The following TPM4 variants were observed in gnomAD, a reference collection of about 807,000 sequenced individuals.
TPM4 encodes the protein tropomyosin alpha-4 chain.
Under a neutral mutation model 35.8 loss-of-function variants are expected in TPM4, and 17 were observed. The ratio of observed to expected loss-of-function variants is 0.47; its 90% confidence interval spans 0.32 to 0.71. The LOEUF (loss-of-function observed/expected upper bound fraction) is 0.71, where lower values mean the gene tolerates loss of function less well. Ranked by LOEUF, TPM4 falls within the 30% of genes least tolerant of loss-of-function variation. The pLI is 0.03. For synonymous variants in TPM4, 120 were observed against 122.9 expected (o/e 0.98, Z 0.15); for missense variants, 240 against 320.9 (o/e 0.75, Z 1.93).
chr19:16,071,074 C>A (rs1354004734), intron 2 of TPM4, among the ~76,000 whole-genome samples: 1 of 152,226 alleles, frequency 6.6e-6, no homozygotes, highest in Non-Finnish European at 1.5e-5. Context: ...GGAGGTTATG[C>A]CTTTTTTGTC....
chr19:16,089,004 T>A, intron 4 of TPM4, 41 bp from the exon 5 acceptor site: 1 of 1,613,170 alleles, frequency 6.2e-7, no homozygotes, highest in Non-Finnish European at 8.5e-7. Context: ...TTGCCGGCTG[T>A]AAGGGAAGAT....
At chr19:16,098,314 G>A (rs1306338630) in intron 7 of TPM4, among the ~76,000 whole-genome samples, 1 of 152,032 alleles carries the variant, frequency 6.6e-6, no homozygotes, top group Non-Finnish European at 1.5e-5. Context: ...ATGGTCATGG[G>A]GGCCTGTAAT....
intron 2 of TPM4, among the ~76,000 whole-genome samples, chr19:16,069,341 G>T (rs113236181): frequency 0.039 from 5,948 of 151,970 alleles, 245 homozygotes; most frequent in African/African-American, 0.14. Context: ...GTGTATGGTT[G>T]TGTGTTTCTA....
chr19:16,099,623 A>G (rs1195149678), intron 7 of TPM4: 1 of 151,688 alleles, frequency 6.6e-6, no homozygotes, highest in African/African-American at 2.4e-5. Context: ...TTCTGCAGTC[A>G]TTTTTTTCTT....
intron 7 of TPM4, 41 bp from the exon 8 acceptor site, chr19:16,101,223 C>T (rs1226380376): frequency 7.0e-7 from 1 of 1,423,754 alleles, no homozygotes; most frequent in Non-Finnish European, 9.6e-7. Context: ...AACAAAGACG[C>T]TTATTAATTT....
chr19:16,086,512 C>T lies in TPM4; in HGVS notation c.356C>T (p.Ala119Val), dbSNP rs1212217111. 3.1e-6 allele frequency: 5 copies of T among 1,613,452 alleles called. No individual in the cohort carries two copies. The highest frequency in any genetic ancestry group is 1.3e-5 in the African/African-American group (1 of 74,850). Residue 119 changes from alanine (A) to valine (V), a missense_variant, in exon 3 of 8, where the codon GCG (alanine) becomes GTG (valine). Physicochemically the swap from Ala to Val is moderately conservative, Grantham distance 64 (BLOSUM62 0). Coordinates refer to ENST00000643579, the MANE Select transcript of TPM4 (RefSeq NM_003290.3). ...EMQLKEAKHI[A>V]EEADRKYEEV... ...CAGCTCAAAGAGGCCAAGCACATTG[C>T]GGAAGAGGCTGACCGCAAATACGAG...
chr19:16,083,348 G>T (rs556883607), intron 2 of TPM4, among the ~76,000 whole-genome samples: 18 of 152,184 alleles, frequency 1.2e-4, no homozygotes, highest in African/African-American at 4.1e-4. Context: ...GGAGGCTAAG[G>T]CAAGATCCCC....
chr19:16,068,360 G>A (rs2090319367), intron 2 of TPM4, among the ~76,000 whole-genome samples: 1 of 152,172 alleles, frequency 6.6e-6, no homozygotes, highest in African/African-American at 2.4e-5. Flanking sequence ...ATTTTTAGTA[G>A]AGACCGGATT....
At chr19:16,087,375 A>G (rs948386563) in intron 3 of TPM4, among the ~76,000 whole-genome samples, 4 of 152,032 alleles carry the variant, frequency 2.6e-5, no homozygotes, top group Non-Finnish European at 5.9e-5. Context: ...TCAGGAGTTC[A>G]TGACCAGCCT....
upstream of TPM4, chr19:16,075,192 T>C (rs184324949): frequency 6.6e-6 from 1 of 152,296 alleles, no homozygotes; most frequent in East Asian, 1.9e-4. Flanking sequence ...AAAAGTCTTC[T>C]TGAGCCAACT....
chr19:16,101,180 A>G, intron 7 of TPM4, 84 bp from the exon 8 acceptor site: 2 of 1,201,268 alleles, frequency 1.7e-6, no homozygotes, highest in Non-Finnish European at 2.3e-6. Flanking sequence ...CAAGAAGAAG[A>G]AAAAAAAACA....
At position 16,102,892 on chromosome 19, in the gene TPM4, T is replaced by A. The variant is rs964694843; in HGVS notation, c.*1546T>A. The stretch of plus-strand genomic sequence containing the variant: ...GCACCACACTACCCAGGAAATACAC[T>A]AGCAAATTGTGCAATGGAATAAAAT... On this transcript the variant is annotated 3_prime_UTR_variant, in exon 8 of 8. Transcript: ENST00000643579. The A allele has an allele frequency of 4.1e-5, 6 of 145,988 alleles. No homozygotes were observed. Among genetic ancestry groups the A allele is most frequent in the Admixed American group, 3.0e-4 (4 of 13,362 alleles). The allele number at this position is 145,988 out of a possible 1,614,324, so 9.0% of individuals were successfully genotyped here.
In TPM4 at chr19:16,101,284, G is replaced by C. The variant is rs148293920; in HGVS notation, c.685G>C (p.Glu229Gln). 16 of 1,607,922 alleles carry C rather than the reference G, an allele frequency of 1.0e-5. No homozygotes were observed. Among genetic ancestry groups the C allele is most frequent in the Non-Finnish European group, 1.4e-5 (16 of 1,177,344 alleles). The stretch of plus-strand genomic sequence containing the variant: ...ACCAGAGAAACTTGCCCAGGCCAAA[G>C]AAGAGAACGTGGGCTTACATCAGAC... ...DLEEKLAQAK[E>Q]ENVGLHQTLD... Residue 229 changes from glutamate to glutamine, a missense_variant, in exon 8 of 8, where the codon GAA (glutamate) becomes CAA (glutamine). Glu to Gln is a conservative substitution (Grantham distance 29, BLOSUM62 2). Transcript: ENST00000643579.
intron 1 of TPM4, among the ~76,000 whole-genome samples, chr19:16,078,697 G>T (rs1457782408): frequency 6.6e-6 from 1 of 152,190 alleles, no homozygotes; most frequent in Admixed American, 6.6e-5. Flanking sequence ...AGTTGGGAGA[G>T]AAGATGTTTT....
Position 16,081,023 on chromosome 19 carries a change from G to C in TPM4, c.133-890G>C, listed in dbSNP as rs2090476055. On this transcript the variant is annotated intron_variant, in intron 1 of 7. Transcript: ENST00000643579. ...TTTTTGTCCTGCCATCTCTCAGCCA[G>C]GCGGATTGAAGGATGGAATTCCAAC... is the stretch of plus-strand genomic sequence containing the variant. 3 of 398,570 alleles carry C rather than the reference G, an allele frequency of 7.5e-6. No individual in the cohort carries two copies. In the East Asian group the frequency reaches 1.1e-4, roughly 14 times the overall value. 24.7% of individuals were successfully genotyped at this position (398,570 alleles called of 1,614,324 possible). A position where few individuals can be genotyped will look rare whatever the true frequency, so the allele number is the denominator to read the frequency against.
chr19:16,069,211 TG>T (rs1317686179), intron 2 of TPM4, among the ~76,000 whole-genome samples: 1 of 152,058 alleles, frequency 6.6e-6, no homozygotes, highest in Non-Finnish European at 1.5e-5. Flanking sequence ...GTGCTTCTGT[TG>T]GGGTGTGTGT....
At chr19:16,087,598 A>G (rs1044428155) in intron 3 of TPM4, among the ~76,000 whole-genome samples, 4 of 151,900 alleles carry the variant, frequency 2.6e-5, no homozygotes, top group Admixed American at 2.0e-4. Context: ...AAAATAAAAA[A>G]GAGGCCAGGT....
intron 2 of TPM4, among the ~76,000 whole-genome samples, chr19:16,069,818 G>T (rs1299307758): frequency 6.6e-6 from 1 of 151,966 alleles, no homozygotes; most frequent in Non-Finnish European, 1.5e-5. Flanking sequence ...TTCTGTCGGG[G>T]TGAGTGTGTG....
Position 16,076,538 on chromosome 19 carries a change from T to C in TPM4, c.-28T>C, listed in dbSNP as rs1344315341. On this transcript the variant is annotated 5_prime_UTR_variant, in exon 1 of 8. Coordinates refer to ENST00000643579, the MANE Select transcript of TPM4 (RefSeq NM_003290.3). ...CCGAGCCCAGCCGAGCGTCCGCCGCTGCCCGTGCGCCTCTGCGCCTCCGCG... is the reference window on the plus strand; with the variant it reads ...CCGAGCCCAGCCGAGCGTCCGCCGCCGCCCGTGCGCCTCTGCGCCTCCGCG... 1.4e-6 allele frequency: 2 copies of C among 1,425,794 alleles called. No homozygotes were observed. Among genetic ancestry groups the C allele is most frequent in the Middle Eastern group, 2.5e-4 (1 of 3,982 alleles). The allele number at this position is 1,425,794 out of a possible 1,614,324, so 88.3% of individuals were successfully genotyped here.
Sources: gnomAD v4.1 joint callset for allele counts (sites outside exome capture counted in the v4.1 genomes callset) on GRCh38, gnomAD v4.1.1 for gene constraint, MANE v1.5 for transcripts, NCBI Gene and HGNC (gene_info 2026-07-23, HGNC 2026-07-21) for gene names.